The following LRBA variants were observed in gnomAD, a reference collection of about 807,000 sequenced individuals.
LRBA encodes lipopolysaccharide-responsive and beige-like anchor protein.
Under a neutral mutation model 330.0 loss-of-function variants are expected in LRBA, and 176 were observed. The ratio of observed to expected loss-of-function variants is 0.53; its 90% CI spans 0.47 to 0.60. LRBA has a LOEUF of 0.60. LRBA is among the 20% of genes least tolerant of loss of function. LRBA has a pLI of 0.00. For synonymous variants in LRBA, 1,230 were observed against 1,193.0 expected (o/e 1.03, Z -0.64); for missense variants, 3,259 against 3,444.8 (o/e 0.95, Z 1.35).
In LRBA at chr4:150,659,199, C is replaced by A. The variant is rs1399937255; in HGVS notation, c.5921+24352G>T. Among the ~76,000 whole-genome samples, 504 of 101,330 alleles carry A rather than the reference C, an allele frequency of 5.0e-3. 7 individuals carry two copies. Among genetic ancestry groups the A allele is most frequent in the African/African-American group, 0.016 (480 of 29,450 alleles). The allele number at this position is 101,330 out of a possible 152,430, so 66.5% of individuals were successfully genotyped here. ...GCCCATCGTCTGGGATGTGAGGAGC[C>A]CCTCTGCCTGGCTGCCCAGTCTGGA... On this transcript the variant is annotated intron_variant, in intron 37 of 56. Coordinates refer to ENST00000651943, the MANE Select transcript of LRBA (RefSeq NM_001364905.1).
chr4:150,446,972 G>T (rs1391670584), intron 44 of LRBA, among the ~76,000 whole-genome samples: 1 of 152,090 alleles, frequency 6.6e-6, no homozygotes, highest in African/African-American at 2.4e-5. Context: ...TCATTTAATT[G>T]TAGTACAGTG....
At chr4:150,781,470 G>A (rs562785003) in intron 34 of LRBA, among the ~76,000 whole-genome samples, 3 of 152,330 alleles carry the variant, frequency 2.0e-5, no homozygotes, top group East Asian at 3.9e-4. Flanking sequence ...GTGATAGGGA[G>A]CGGCTATAAA....
chr4:150,563,001 G>A (rs1768573805), intron 40 of LRBA, among the ~76,000 whole-genome samples: 1 of 151,984 alleles, frequency 6.6e-6, no homozygotes. Context: ...GAGTCTTACT[G>A]CATTACCCAG....
At chr4:150,438,341 C>T (rs1048146377) in intron 44 of LRBA, among the ~76,000 whole-genome samples, 10 of 151,972 alleles carry the variant, frequency 6.6e-5, no homozygotes, top group South Asian at 2.1e-4. Context: ...AAATCGGCTG[C>T]GCATAGTGGC....
intron 30 of LRBA, 43 bp from the exon 31 acceptor site, chr4:150,817,300 C>A: frequency 6.4e-7 from 1 of 1,564,382 alleles, no homozygotes; most frequent in Non-Finnish European, 8.8e-7. Context: ...ACAAATTGAT[C>A]TCTTGAATTA....
intron 17 of LRBA, among the ~76,000 whole-genome samples, chr4:150,882,973 TTGTCATTCCAATTTGG>T: frequency 6.6e-6 from 1 of 152,158 alleles, no homozygotes; most frequent in Non-Finnish European, 1.5e-5. Context: ...GAAAATTAAA[TTGTCATTCCAATTTGG>T]AAATGTTACT....
At chr4:150,782,221 A>T (rs1391127471) in intron 34 of LRBA, among the ~76,000 whole-genome samples, 3 of 152,188 alleles carry the variant, frequency 2.0e-5, no homozygotes, top group Non-Finnish European at 4.4e-5. Context: ...TTGTTAAATA[A>T]ATCATAACTT....
intron 50 of LRBA, among the ~76,000 whole-genome samples, chr4:150,319,702 T>C (rs1581000646): frequency 6.6e-6 from 1 of 152,168 alleles, no homozygotes; most frequent in East Asian, 1.9e-4. Flanking sequence ...ATTTGCATCG[T>C]TTCATTTCCA....
chr4:150,285,907 A>C, intron 54 of LRBA, 26 bp downstream of exon 54: 1 of 1,431,086 alleles, frequency 7.0e-7, no homozygotes, highest in Non-Finnish European at 9.3e-7. Flanking sequence ...AAATGCATCC[A>C]TTTTGTGAAG....
chr4:150,549,243 C>T (rs115255958), intron 40 of LRBA, among the ~76,000 whole-genome samples: 197 of 151,854 alleles, frequency 1.3e-3, no homozygotes, highest in African/African-American at 4.4e-3. Context: ...TTTTTTAGTT[C>T]GTACTGATTT....
At chr4:150,785,403 G>C (rs935992202) in intron 34 of LRBA, among the ~76,000 whole-genome samples, 1 of 152,142 alleles carries the variant, frequency 6.6e-6, no homozygotes, top group Non-Finnish European at 1.5e-5. Context: ...GTAATATTTA[G>C]AATTCCAGCC....
At chr4:150,544,594 C>T (rs1765664289) in intron 40 of LRBA, among the ~76,000 whole-genome samples, 1 of 152,148 alleles carries the variant, frequency 6.6e-6, no homozygotes, top group African/African-American at 2.4e-5. Flanking sequence ...TGCTACTCCA[C>T]ACTTCCTTGC....
At chr4:150,723,443 C>G in intron 36 of LRBA, among the ~76,000 whole-genome samples, 1 of 152,154 alleles carries the variant, frequency 6.6e-6, no homozygotes, top group Admixed American at 6.5e-5. Flanking sequence ...TATTTCATTT[C>G]TAGACACAAC....
chr4:150,662,948 C>A (rs1781253994), intron 37 of LRBA, among the ~76,000 whole-genome samples: 1 of 151,898 alleles, frequency 6.6e-6, no homozygotes, highest in Non-Finnish European at 1.5e-5. Flanking sequence ...GAGAGTGAGA[C>A]CCTATCTCTT....
At chr4:150,836,867 A>G (rs1331254071) in intron 28 of LRBA, among the ~76,000 whole-genome samples, 2 of 151,920 alleles carry the variant, frequency 1.3e-5, no homozygotes, top group Admixed American at 6.6e-5. Context: ...TGCTTCTCTA[A>G]TTATTTTAAT....
At chr4:150,483,664 A>G (rs923148149) in intron 42 of LRBA, among the ~76,000 whole-genome samples, 18 of 152,082 alleles carry the variant, frequency 1.2e-4, no homozygotes, top group African/African-American at 2.6e-4. Flanking sequence ...AAAGAAAGAA[A>G]GAAAGAAAAA....
chr4:150,433,722 T>C, intron 46 of LRBA, among the ~76,000 whole-genome samples: 1 of 152,278 alleles, frequency 6.6e-6, no homozygotes, highest in East Asian at 1.9e-4. Flanking sequence ...TTAAACAGCT[T>C]TGAGATTAGA....
intron 35 of LRBA, among the ~76,000 whole-genome samples, chr4:150,736,440 G>A (rs1031012494): frequency 3.3e-5 from 5 of 151,468 alleles, no homozygotes; most frequent in African/African-American, 1.2e-4. Flanking sequence ...GAAAACTGTA[G>A]AAGAACTGAA....
At chr4:150,599,834 G>A (rs754014842) in intron 37 of LRBA, among the ~76,000 whole-genome samples, 3 of 152,054 alleles carry the variant, frequency 2.0e-5, no homozygotes, top group Non-Finnish European at 4.4e-5. Context: ...AACCATTCCT[G>A]TAGAGTGAAA....
Sources: gnomAD v4.1 joint callset for allele counts (sites outside exome capture counted in the v4.1 genomes callset) on GRCh38, gnomAD v4.1.1 for gene constraint, MANE v1.5 for transcripts, NCBI Gene and HGNC (gene_info 2026-07-23, HGNC 2026-07-21) for gene names.